PTPRD: variants seen among roughly 807,000 people sequenced by gnomAD.
PTPRD encodes the protein receptor-type tyrosine-protein phosphatase delta.
PTPRD carries 34 observed loss-of-function variants against 214.5 expected under a neutral mutation model. That is an observed-to-expected ratio of 0.16 (90% CI 0.12 to 0.21). The LOEUF (loss-of-function observed/expected upper bound fraction) is 0.21, where lower values mean the gene tolerates loss of function less well. PTPRD is among the 10% of genes least tolerant of loss of function. PTPRD has a pLI of 1.00. For synonymous variants in PTPRD, 1,128 were observed against 845.7 expected (o/e 1.33, Z -5.79); for missense variants, 2,545 against 2,398.7 (o/e 1.06, Z -1.27).
intron 9 of PTPRD, among the ~76,000 whole-genome samples, chr9:9,369,925 A>G (rs2058981475): frequency 6.6e-6 from 1 of 152,018 alleles, no homozygotes; most frequent in South Asian, 2.1e-4. Context: ...AGTTGTAGAT[A>G]CGCGGCATTA....
chr9:9,339,104 T>A (rs1001268651), intron 9 of PTPRD, among the ~76,000 whole-genome samples: 1 of 152,140 alleles, frequency 6.6e-6, no homozygotes, highest in African/African-American at 2.4e-5. Flanking sequence ...GGCTTCTCCA[T>A]AGGCATGAAC....
At chr9:8,485,421 C>G (rs1252070915) in intron 28 of PTPRD, 97 bp from the exon 29 acceptor site, 13 of 794,304 alleles carry the variant, frequency 1.6e-5, no homozygotes, top group Non-Finnish European at 2.3e-5. Context: ...TAGATGCTGT[C>G]TACTTTGATC....
intron 11 of PTPRD, among the ~76,000 whole-genome samples, chr9:8,955,354 A>G (rs1242045235): frequency 6.6e-6 from 1 of 151,766 alleles, no homozygotes; most frequent in African/African-American, 2.4e-5. Context: ...GGATAGATAG[A>G]GATAGTCCTA....
intron 3 of PTPRD, among the ~76,000 whole-genome samples, chr9:10,054,492 C>G (rs1313525538): frequency 1.3e-5 from 2 of 152,270 alleles, no homozygotes; most frequent in East Asian, 1.9e-4. Flanking sequence ...TGTCCATTTT[C>G]TTAGAGCACT....
chr9:8,645,352 C>G (rs2096664506), intron 12 of PTPRD, among the ~76,000 whole-genome samples: 1 of 152,184 alleles, frequency 6.6e-6, no homozygotes, highest in South Asian at 2.1e-4. Flanking sequence ...GCATGGTAGG[C>G]TACTTTGGTA....
intron 9 of PTPRD, among the ~76,000 whole-genome samples, chr9:9,275,981 A>T (rs1474275315): frequency 2.0e-5 from 3 of 151,328 alleles, no homozygotes; most frequent in African/African-American, 7.3e-5. Flanking sequence ...AGAAGAGAAC[A>T]CCTCAACCGA....
chr9:8,331,592 C>G lies in PTPRD; in HGVS notation c.5524G>C (p.Val1842Leu), dbSNP rs2131635661. ...EQFGQDGPIS[V>L]HCSAGVGRTG... is the part of the protein sequence containing the mutation. Reference sequence around the variant, plus strand: ...CAAATGGAAACTTACCTGCAATGGACTGAAATGGGTCCATCTTGGCCAAAC... The same window carrying G: ...CAAATGGAAACTTACCTGCAATGGAGTGAAATGGGTCCATCTTGGCCAAAC... The change falls in exon 44 of 46, where the codon GTC becomes CTC. Residue 1842 changes from valine (V) to leucine (L), a missense_variant. Physicochemically the swap from Val to Leu is conservative, Grantham distance 32. Transcript: ENST00000381196. 1.9e-6 allele frequency: 3 copies of G among 1,609,158 alleles called. No individual in the cohort carries two copies. The highest frequency in any genetic ancestry group is 2.5e-6 in the Non-Finnish European group (3 of 1,179,800).
rs5896251 is a variant in PTPRD at position 8,659,074 on chromosome 9, G to GA, written c.65-22231dup. ...TCAACAATGTCAAAAGAAGTAACTG[G>GA]AAAAAAAAAAAGTGACAAAATCAAG... On this transcript the variant is annotated intron_variant, in intron 12 of 45. Transcript: ENST00000381196. Among the ~76,000 whole-genome samples, 224 of 147,888 alleles carry GA rather than the reference G, an allele frequency of 1.5e-3. 4 individuals are homozygous for GA. The East Asian group carries it at 0.031, about 20-fold the overall frequency.
chr9:8,566,435 T>C (rs1273279531), intron 14 of PTPRD, among the ~76,000 whole-genome samples: 1 of 152,162 alleles, frequency 6.6e-6, no homozygotes, highest in Non-Finnish European at 1.5e-5. Flanking sequence ...TAACAGCATA[T>C]CAAAAGCTGA....
chr9:8,699,757 G>C (rs1402910502), intron 12 of PTPRD, among the ~76,000 whole-genome samples: 1 of 146,962 alleles, frequency 6.8e-6, no homozygotes, highest in Admixed American at 6.8e-5. Context: ...AGAAAGGCCA[G>C]TGCAACGCCC....
chr9:9,998,625 T>G (rs550529755), intron 4 of PTPRD, among the ~76,000 whole-genome samples: 2 of 151,900 alleles, frequency 1.3e-5, no homozygotes, highest in East Asian at 1.9e-4. Flanking sequence ...CAACATAATG[T>G]GGCAGGATCA....
At chr9:9,781,138 G>C (rs370641859) in intron 5 of PTPRD, among the ~76,000 whole-genome samples, 1 of 152,074 alleles carries the variant, frequency 6.6e-6, no homozygotes, top group African/African-American at 2.4e-5. Context: ...AAAACCCATA[G>C]AATGTACAAG....
intron 4 of PTPRD, among the ~76,000 whole-genome samples, chr9:10,030,087 G>C (rs1054176857): frequency 6.6e-6 from 1 of 152,058 alleles, no homozygotes; most frequent in African/African-American, 2.4e-5. Context: ...TTCACCTTCC[G>C]CCATGATTGT....
At chr9:9,366,042 A>C (rs2057795599) in intron 9 of PTPRD, among the ~76,000 whole-genome samples, 1 of 151,482 alleles carries the variant, frequency 6.6e-6, no homozygotes, top group African/African-American at 2.4e-5. Context: ...TGAAGTTATC[A>C]AAGTTCTGAG....
At chr9:8,420,803 CTTT>C (rs3835267) in intron 35 of PTPRD, among the ~76,000 whole-genome samples, 38 of 111,412 alleles carry the variant, frequency 3.4e-4, no homozygotes, top group Admixed American at 8.1e-4. Flanking sequence ...GATCATTTTT[CTTT>C]TTTTTTTTTT....
chr9:10,538,569 T>C (rs1490472013), intron 2 of PTPRD, among the ~76,000 whole-genome samples: 1 of 152,118 alleles, frequency 6.6e-6, no homozygotes, highest in Non-Finnish European at 1.5e-5. Flanking sequence ...CCTACATGAT[T>C]GGTTTTCTGA....
rs113462462 is a variant in PTPRD, at chr9:9,620,191, T to C, written c.-286-45410A>G. Among the ~76,000 whole-genome samples the C allele has an allele frequency of 5.0e-3, 766 of 152,180 alleles. 3 individuals carry two copies. Among genetic ancestry groups the C allele is most frequent in the Non-Finnish European group, 7.9e-3 (536 of 67,980 alleles). On this transcript the variant is annotated intron_variant, in intron 7 of 45. Coordinates refer to ENST00000381196, the MANE Select transcript of PTPRD (RefSeq NM_002839.4). ...TCCACATAACAGAAGATGATGAATA[T>C]TCAGAAGAGCACAGCCCTAATGTTG...
intron 9 of PTPRD, among the ~76,000 whole-genome samples, chr9:9,363,900 T>C (rs779015267): frequency 6.6e-6 from 1 of 151,438 alleles, no homozygotes; most frequent in Non-Finnish European, 1.5e-5. Context: ...TTAAGCATTT[T>C]TCCATCTTAT....
rs974143692 is a variant in PTPRD at position 8,860,176 on chromosome 9, G to C, written c.-103-126230C>G. The C allele has an allele frequency of 4.6e-5, 7 of 152,166 alleles. No individual in the cohort carries two copies. In the East Asian group the frequency reaches 1.2e-3, roughly 25 times the overall value. The allele number at this position is 152,166 out of a possible 1,614,324, so 9.4% of individuals were successfully genotyped here. A position where few individuals can be genotyped will look rare whatever the true frequency, so the allele number is the denominator to read the frequency against. On this transcript the variant is annotated intron_variant, in intron 11 of 45. Transcript: ENST00000381196. ...GTTTTAAAACCCCTAATATTCCTTT[G>C]CTGTTACTTTTGTGGGAAATGTATC...
Sources: allele counts gnomAD v4.1 joint callset (sites outside exome capture counted in the v4.1 genomes callset), GRCh38; gene constraint gnomAD v4.1.1; transcripts MANE v1.5; gene names NCBI Gene and HGNC (gene_info 2026-07-23, HGNC 2026-07-21).